PCDH15: variants seen among roughly 807,000 people sequenced by gnomAD.
PCDH15 encodes the protein protocadherin-15.
A neutral mutation model predicts 178.5 loss-of-function variants in PCDH15; 129 were observed. The ratio of observed to expected loss-of-function variants is 0.72; its 90% confidence interval spans 0.63 to 0.84. PCDH15 has a LOEUF of 0.84. PCDH15 is among the 40% of genes least tolerant of loss of function. The probability of loss-of-function intolerance (pLI) is 0.00; values close to 1 mark genes in which losing one functional copy is unlikely to be tolerated. For missense variants in PCDH15, 2,230 were observed against 2,099.9 expected, an observed-to-expected ratio of 1.06 and a Z score of -1.21; for synonymous variants, 800 against 732.0, an observed-to-expected ratio of 1.09 and a Z score of -1.50.
chr10:55,218,593 A>G (rs1000006770), intron 1 of PCDH15, among the ~76,000 whole-genome samples: 1 of 152,070 alleles, frequency 6.6e-6, no homozygotes, highest in South Asian at 2.1e-4. Flanking sequence ...AGTTATGTCA[A>G]TCACATACTT....
intron 2 of PCDH15, among the ~76,000 whole-genome samples, chr10:55,354,542 A>C (rs1393914656): frequency 6.6e-6 from 1 of 152,086 alleles, no homozygotes; most frequent in African/African-American, 2.4e-5. Flanking sequence ...GATTTCAATA[A>C]GATAATTATC....
chr10:55,036,488 A>G (rs1840737259), intron 2 of PCDH15, among the ~76,000 whole-genome samples: 2 of 152,122 alleles, frequency 1.3e-5, no homozygotes, highest in African/African-American at 2.4e-5. Context: ...TAGAAATTTG[A>G]TCCACTTCCA....
chr10:53,968,055 T>C (rs1290514064), intron 21 of PCDH15, among the ~76,000 whole-genome samples: 2 of 152,076 alleles, frequency 1.3e-5, no homozygotes, highest in Non-Finnish European at 1.5e-5. Flanking sequence ...GGGTGGGGCA[T>C]TGCCTCACCT....
At chr10:54,512,223 G>C (rs944089375) in intron 3 of PCDH15, among the ~76,000 whole-genome samples, 14 of 152,114 alleles carry the variant, frequency 9.2e-5, no homozygotes, top group Admixed American at 9.2e-4. Context: ...TTGAGTAAGA[G>C]TTCTTATTAA....
At chr10:55,077,400 TTCCTTCCTTC>T (rs1359489215) in intron 2 of PCDH15, among the ~76,000 whole-genome samples, 1 of 38,658 alleles carries the variant, frequency 2.6e-5, no homozygotes, top group Non-Finnish European at 6.8e-5. Context: ...GTTTTCTCTC[TTCCTTCCTTC>T]CTTCCTTCCT....
chr10:55,454,770 G>C, intron 2 of PCDH15, among the ~76,000 whole-genome samples: 1 of 116,744 alleles, frequency 8.6e-6, no homozygotes, highest in East Asian at 2.6e-4. Context: ...GGGCAACAGA[G>C]ACTCTGTCTC....
At chr10:53,898,957 C>G (rs1049182139) in intron 26 of PCDH15, among the ~76,000 whole-genome samples, 1 of 151,978 alleles carries the variant, frequency 6.6e-6, no homozygotes, top group East Asian at 1.9e-4. Context: ...ATATTAAAAC[C>G]AGAGACTTCA....
intron 2 of PCDH15, among the ~76,000 whole-genome samples, chr10:55,165,764 C>G (rs1026592461): frequency 6.6e-6 from 1 of 151,878 alleles, no homozygotes; most frequent in Admixed American, 6.6e-5. Context: ...TCATAAATTG[C>G]AAATTACAGT....
intron 9 of PCDH15, among the ~76,000 whole-genome samples, chr10:54,220,929 G>A (rs997447182): frequency 1.3e-5 from 2 of 151,982 alleles, no homozygotes; most frequent in African/African-American, 4.8e-5. Context: ...TTATTTCCCT[G>A]CATTTCTTAA....
intron 13 of PCDH15, among the ~76,000 whole-genome samples, chr10:54,167,215 C>T (rs184157365): frequency 6.6e-6 from 1 of 152,266 alleles, no homozygotes; most frequent in East Asian, 1.9e-4. Flanking sequence ...AAAGATCCAC[C>T]TATGACCTCA....
intron 21 of PCDH15, among the ~76,000 whole-genome samples, chr10:53,994,101 A>G (rs539519198): frequency 5.9e-5 from 9 of 152,230 alleles, no homozygotes; most frequent in Middle Eastern, 3.2e-3. Context: ...TAAGTAATTT[A>G]TCTTCTTTAT....
At chr10:54,617,175 A>T (rs1354820512) in intron 2 of PCDH15, among the ~76,000 whole-genome samples, 1 of 151,932 alleles carries the variant, frequency 6.6e-6, no homozygotes, top group African/African-American at 2.4e-5. Context: ...GATTACAGGC[A>T]TGAGCCACTG....
At chr10:54,827,534 T>C (rs1015153990) in intron 3 of PCDH15, among the ~76,000 whole-genome samples, 20 of 152,082 alleles carry the variant, frequency 1.3e-4, no homozygotes, top group African/African-American at 4.8e-4. Flanking sequence ...GTCTGCAAGA[T>C]AGACAGTGAG....
chr10:55,593,603 C>T, intron 2 of PCDH15, among the ~76,000 whole-genome samples: 1 of 151,348 alleles, frequency 6.6e-6, no homozygotes, highest in South Asian at 2.1e-4. Flanking sequence ...GTACTGAATA[C>T]CTAAAATATA....
In PCDH15 at chr10:54,069,058, A is replaced by G. The variant is rs114175391; in HGVS notation, c.2092-2173T>C. 8.6e-3 allele frequency among the ~76,000 whole-genome samples: 1,312 copies of G among 152,282 alleles called. 20 individuals are homozygous for G. The highest frequency in any genetic ancestry group is 0.03 in the African/African-American group (1,226 of 41,558). On this transcript the variant is annotated intron_variant, in intron 17 of 37. Transcript: ENST00000644397. ...TTTCATGACAAAAAGTATTTTAACAAATATTATTTCTTTAAAATTTGCCTT... is the reference window on the plus strand; with the variant it reads ...TTTCATGACAAAAAGTATTTTAACAGATATTATTTCTTTAAAATTTGCCTT...
intron 28 of PCDH15, among the ~76,000 whole-genome samples, chr10:53,850,899 A>G (rs2132930796): frequency 6.6e-6 from 1 of 152,246 alleles, no homozygotes. Context: ...AGACTACATA[A>G]CAAAAGAAAC....
chr10:55,365,221 A>C (rs1845326974), intron 2 of PCDH15, among the ~76,000 whole-genome samples: 1 of 152,144 alleles, frequency 6.6e-6, no homozygotes, highest in African/African-American at 2.4e-5. Context: ...GGACAGACTT[A>C]ACTCATTGTT....
intron 2 of PCDH15, among the ~76,000 whole-genome samples, chr10:55,142,785 C>T (rs1022411415): frequency 2.0e-5 from 3 of 151,408 alleles, no homozygotes; most frequent in African/African-American, 7.3e-5. Flanking sequence ...AGTATCTTGC[C>T]TTCTTTTGGG....
chr10:53,843,432 A>G (rs560013125), intron 28 of PCDH15, among the ~76,000 whole-genome samples: 53 of 152,124 alleles, frequency 3.5e-4, no homozygotes, highest in African/African-American at 7.9e-4. Flanking sequence ...CACACAAAGA[A>G]AAAGAGATTT....
Sources: gnomAD v4.1 joint callset for allele counts (sites outside exome capture counted in the v4.1 genomes callset) on GRCh38, gnomAD v4.1.1 for gene constraint, MANE v1.5 for transcripts, NCBI Gene and HGNC (gene_info 2026-07-23, HGNC 2026-07-21) for gene names.